The following NEK11 variants were observed in gnomAD, a reference collection of about 807,000 sequenced individuals.
NEK11 encodes the protein NIMA related kinase 11.
In NEK11, 72 loss-of-function variants were observed where a neutral mutation model predicts 80.7. The observed-to-expected ratio is 0.89, with a 90% confidence interval of 0.74 to 1.08. The LOEUF (loss-of-function observed/expected upper bound fraction) is 1.08, where lower values mean the gene tolerates loss of function less well. Among genes scored for constraint, NEK11 ranks in the 50% least tolerant of loss-of-function variants. The pLI is 0.00. For synonymous variants in NEK11, 251 were observed against 260.7 expected (o/e 0.96, Z 0.36); for missense variants, 764 against 763.6 (o/e 1.00, Z -0.01).
At chr3:131,255,379 C>T (rs938040949) in intron 16 of NEK11, among the ~76,000 whole-genome samples, 7 of 152,150 alleles carry the variant, frequency 4.6e-5, no homozygotes, top group African/African-American at 1.4e-4. Flanking sequence ...CAAGTCACTG[C>T]TTTCAAAGCA....
rs1194829138 is a variant in NEK11, at chr3:131,228,538, A to G, written c.1410A>G (p.Glu470=). The part of the protein sequence containing the change: ...TSDLGYHEIP[E]DPLVAEEYYA... Reference sequence around the variant, plus strand: ...TGTTCATTATTTCAGAGATCCCAGAAGACCCACTTGTGGCTGAAGAGTACT... The same window carrying G: ...TGTTCATTATTTCAGAGATCCCAGAGGACCCACTTGTGGCTGAAGAGTACT... The change falls in exon 15 of 18, where the codon GAA becomes GAG. Residue 470 remains glutamate (E), a synonymous_variant. Coordinates refer to ENST00000383366, the MANE Select transcript of NEK11 (RefSeq NM_024800.5). 2 of 1,607,512 alleles carry G rather than the reference A, an allele frequency of 1.2e-6. No homozygotes were observed. The highest frequency in any genetic ancestry group is 2.7e-5 in the African/African-American group (2 of 74,796).
intron 17 of NEK11, among the ~76,000 whole-genome samples, chr3:131,311,407 C>G (rs182323899): frequency 1.3e-5 from 2 of 152,316 alleles, no homozygotes; most frequent in African/African-American, 2.4e-5. Context: ...GTTCACCCCC[C>G]TCAACCCCAC....
At chr3:131,310,070 CG>C (rs1561484234) in intron 17 of NEK11, among the ~76,000 whole-genome samples, 3 of 130,748 alleles carry the variant, frequency 2.3e-5, no homozygotes, top group African/African-American at 8.5e-5. Context: ...ATTTTTCTAT[CG>C]AAAAAAAAGA....
chr3:131,268,564 C>T (rs2096111506), intron 16 of NEK11, among the ~76,000 whole-genome samples: 1 of 152,242 alleles, frequency 6.6e-6, no homozygotes, highest in South Asian at 2.1e-4. Flanking sequence ...TGGAGGTCCA[C>T]TCCAGACCCT....
intron 5 of NEK11, among the ~76,000 whole-genome samples, chr3:131,129,115 A>G (rs947534160): frequency 2.1e-5 from 3 of 145,892 alleles, no homozygotes; most frequent in South Asian, 2.2e-4. Context: ...CAGAGTCGCA[A>G]TCTTGGCTCA....
chr3:131,139,312 G>A (rs1266458742), intron 7 of NEK11, among the ~76,000 whole-genome samples: 1 of 140,094 alleles, frequency 7.1e-6, no homozygotes, highest in African/African-American at 2.6e-5. Flanking sequence ...TCGAAGACAG[G>A]ATATTGGAAA....
Position 131,058,932 on chromosome 3 carries a change from G to T in NEK11, c.171-21491G>T, listed in dbSNP as rs2403231. ...CTATTCCAGAAAATTTCCATTTTCCGTATTAACAATAGTGTAACTTTTTCT... is the reference window on the plus strand; with the variant it reads ...CTATTCCAGAAAATTTCCATTTTCCTTATTAACAATAGTGTAACTTTTTCT... On this transcript the variant is annotated intron_variant, in intron 3 of 17. Coordinates refer to ENST00000383366, the MANE Select transcript of NEK11 (RefSeq NM_024800.5). 8.6e-3 allele frequency among the ~76,000 whole-genome samples: 1,304 copies of T among 152,100 alleles called. 23 individuals carry two copies. Among genetic ancestry groups the T allele is most frequent in the African/African-American group, 0.03 (1,234 of 41,492 alleles).
At chr3:131,214,954 C>T (rs765916154) in intron 14 of NEK11, among the ~76,000 whole-genome samples, 3 of 152,036 alleles carry the variant, frequency 2.0e-5, no homozygotes, top group African/African-American at 4.8e-5. Flanking sequence ...TTAAATTTAG[C>T]CCTGGTTTTG....
intron 3 of NEK11, among the ~76,000 whole-genome samples, chr3:131,058,930 C>A (rs955309701): frequency 6.6e-6 from 1 of 152,126 alleles, no homozygotes; most frequent in African/African-American, 2.4e-5. Context: ...TTTCCATTTT[C>A]CGTATTAACA....
At chr3:131,058,051 G>C (rs1233093738) in intron 3 of NEK11, among the ~76,000 whole-genome samples, 7 of 151,344 alleles carry the variant, frequency 4.6e-5, no homozygotes, top group African/African-American at 1.7e-4. Flanking sequence ...AATCCATCTT[G>C]AATTAATTTT....
chr3:131,271,881 G>A (rs1237422740), intron 16 of NEK11, among the ~76,000 whole-genome samples: 2 of 151,598 alleles, frequency 1.3e-5, no homozygotes, highest in Admixed American at 6.6e-5. Flanking sequence ...ACCTGAGCTC[G>A]GGAGTTTAAG....
At chr3:131,080,746 A>C (rs867447972) in intron 4 of NEK11, among the ~76,000 whole-genome samples, 158 bp downstream of exon 4, 1 of 152,222 alleles carries the variant, frequency 6.6e-6, no homozygotes, top group Non-Finnish European at 1.5e-5. Context: ...TTATCTGTAG[A>C]TAATTGACAA....
intron 3 of NEK11, among the ~76,000 whole-genome samples, chr3:131,044,335 C>G (rs1577363228): frequency 7.0e-6 from 1 of 143,728 alleles, no homozygotes; most frequent in African/African-American, 2.6e-5. Context: ...CATTGGTGTG[C>G]TGTATTCAGG....
At chr3:131,196,509 A>G (rs1007002023) in intron 14 of NEK11, among the ~76,000 whole-genome samples, 1 of 152,028 alleles carries the variant, frequency 6.6e-6, no homozygotes, top group South Asian at 2.1e-4. Context: ...AGAATTGCCT[A>G]TTTAAAAATG....
At chr3:131,272,852 T>C (rs1561312003) in intron 16 of NEK11, among the ~76,000 whole-genome samples, 1 of 152,182 alleles carries the variant, frequency 6.6e-6, no homozygotes, top group Non-Finnish European at 1.5e-5. Context: ...CAACATGTTT[T>C]ATAAGAGCCT....
intron 14 of NEK11, among the ~76,000 whole-genome samples, chr3:131,190,958 A>C (rs1458295854): frequency 6.6e-6 from 1 of 152,166 alleles, no homozygotes. Context: ...GAAATCAATT[A>C]ATAGTATCTA....
chr3:131,192,251 C>G (rs1451256540), intron 14 of NEK11, among the ~76,000 whole-genome samples: 1 of 152,048 alleles, frequency 6.6e-6, no homozygotes, highest in African/African-American at 2.4e-5. Flanking sequence ...GACTTTACAC[C>G]CATTAGAATG....
intron 3 of NEK11, among the ~76,000 whole-genome samples, chr3:131,041,638 T>A (rs1423328140): frequency 2.0e-5 from 3 of 152,206 alleles, no homozygotes; most frequent in Non-Finnish European, 2.9e-5. Flanking sequence ...AGTTCAACAC[T>A]AGTTTCAGCA....
intron 16 of NEK11, among the ~76,000 whole-genome samples, chr3:131,255,079 G>GGAAGGAAAGAAA (rs754645626): frequency 2.5e-5 from 3 of 119,186 alleles, no homozygotes; most frequent in African/African-American, 6.5e-5. Context: ...ACAGAAAGAA[G>GGAAGGAAAGAAA]GAAAGAAAGA....
Sources: gnomAD v4.1 joint callset for allele counts (sites outside exome capture counted in the v4.1 genomes callset) on GRCh38, gnomAD v4.1.1 for gene constraint, MANE v1.5 for transcripts, NCBI Gene and HGNC (gene_info 2026-07-23, HGNC 2026-07-21) for gene names.